STAG1: variants seen among roughly 807,000 people sequenced by gnomAD.
The protein encoded by STAG1 is STAG1 cohesin complex component, also known as cohesin subunit SA-1.
Under a neutral mutation model 170.9 loss-of-function variants are expected in STAG1, and 26 were observed. The ratio of observed to expected loss-of-function variants is 0.15; its 90% CI spans 0.11 to 0.21. STAG1 has a LOEUF of 0.21. STAG1 is among the 10% of genes least tolerant of loss of function. The pLI is 1.00. For synonymous variants in STAG1, 514 were observed against 497.7 expected, an observed-to-expected ratio of 1.03 and a Z score of -0.44; for missense variants, 964 against 1,509.5, an observed-to-expected ratio of 0.64 and a Z score of 5.99.
intron 3 of STAG1, among the ~76,000 whole-genome samples, chr3:136,611,658 CTTTTTTT>C (rs760493827): frequency 0.026 from 1,876 of 72,544 alleles, 21 homozygotes; most frequent in Non-Finnish European, 0.04. Flanking sequence ...CCACACCCAG[CTTTTTTT>C]TTTTTTTTTT....
chr3:136,434,983 A>G (rs956728242), intron 15 of STAG1, among the ~76,000 whole-genome samples: 1 of 152,146 alleles, frequency 6.6e-6, no homozygotes, highest in South Asian at 2.1e-4. Flanking sequence ...TTTAAATGTC[A>G]TTTTTAAACA....
intron 21 of STAG1, among the ~76,000 whole-genome samples, chr3:136,411,890 A>G (rs2087634001): frequency 6.6e-6 from 1 of 151,622 alleles, no homozygotes; most frequent in African/African-American, 2.4e-5. Context: ...GGTTGCAGTG[A>G]GCCAAGATCA....
intron 6 of STAG1, among the ~76,000 whole-genome samples, chr3:136,541,730 G>A (rs1935916115): frequency 6.6e-6 from 1 of 152,154 alleles, no homozygotes; most frequent in South Asian, 2.1e-4. Flanking sequence ...GGTATAATAT[G>A]TGGTCCTGCT....
chr3:136,661,754 A>G (rs1213983128), intron 1 of STAG1, among the ~76,000 whole-genome samples: 1 of 152,222 alleles, frequency 6.6e-6, no homozygotes, highest in Non-Finnish European at 1.5e-5. Context: ...CAAGCACAAT[A>G]TTAATACTAC....
chr3:136,338,421 A>AG lies in STAG1; in HGVS notation c.3701dup (p.Glu1235Ter). ...AGTCAAAGAAGTCTGGCCTTAGCTC[A>AG]GCTCTCTCTCGCCGATTTCTTGATG... On this transcript the variant is annotated frameshift_variant, in exon 33 of 34. Coordinates refer to ENST00000383202, the MANE Select transcript of STAG1 (RefSeq NM_005862.3). LOFTEE classifies it high-confidence loss of function. The AG allele has an allele frequency of 6.2e-7, 1 of 1,613,764 alleles. No homozygotes were observed. The highest frequency in any genetic ancestry group is 8.5e-7 in the Non-Finnish European group (1 of 1,179,706).
At chr3:136,408,736 G>C (rs1263313334) in intron 21 of STAG1, among the ~76,000 whole-genome samples, 8 of 152,160 alleles carry the variant, frequency 5.3e-5, no homozygotes, top group African/African-American at 1.9e-4. Flanking sequence ...CAGCAAGTAG[G>C]ATGTACAGTG....
chr3:136,502,329 G>A (rs1053905801), intron 8 of STAG1, among the ~76,000 whole-genome samples: 32 of 151,946 alleles, frequency 2.1e-4, no homozygotes, highest in South Asian at 6.2e-4. Context: ...GCTGGCTCAC[G>A]GTTCTGACTT....
chr3:136,536,722 A>C (rs1489460091), intron 6 of STAG1, among the ~76,000 whole-genome samples: 5 of 151,512 alleles, frequency 3.3e-5, no homozygotes, highest in Non-Finnish European at 7.4e-5. Context: ...AAAAAAAAAA[A>C]AAAACTACGG....
chr3:136,473,657 A>G lies in STAG1; in HGVS notation c.1027-20T>C, dbSNP rs1411078665. ...CCCTTGCTTCAGAAATACAAATAAA[A>G]GCACAACAGAAGGAGTCAATTCCAT... On this transcript the variant is annotated intron_variant, in intron 10 of 33. Coordinates refer to ENST00000383202, the MANE Select transcript of STAG1 (RefSeq NM_005862.3). 2 of 1,581,274 alleles carry G rather than the reference A, an allele frequency of 1.3e-6. No homozygotes were observed. The highest frequency in any genetic ancestry group is 1.7e-6 in the Non-Finnish European group (2 of 1,153,010).
At chr3:136,729,982 A>G (rs1404065125) in intron 1 of STAG1, among the ~76,000 whole-genome samples, 3 of 139,264 alleles carry the variant, frequency 2.2e-5, no homozygotes, top group Non-Finnish European at 4.5e-5. Flanking sequence ...TCCGCCTCCC[A>G]GGTTCAAGCA....
chr3:136,477,572 T>C (rs932867823), intron 9 of STAG1, among the ~76,000 whole-genome samples, 160 bp from the exon 10 acceptor site: 3 of 152,050 alleles, frequency 2.0e-5, no homozygotes, highest in African/African-American at 7.2e-5. Context: ...ATGTTTTCTA[T>C]AAAATAAACA....
At chr3:136,635,033 C>T (rs1940498284) in intron 1 of STAG1, among the ~76,000 whole-genome samples, 2 of 152,104 alleles carry the variant, frequency 1.3e-5, no homozygotes, top group South Asian at 4.2e-4. Flanking sequence ...GACCAGATGG[C>T]CTTACTGCTT....
intron 9 of STAG1, among the ~76,000 whole-genome samples, chr3:136,497,124 G>C (rs2107855824): frequency 6.6e-6 from 1 of 151,950 alleles, no homozygotes; most frequent in South Asian, 2.1e-4. Flanking sequence ...TTCCTGCAAA[G>C]AAAATTCTAG....
intron 6 of STAG1, among the ~76,000 whole-genome samples, chr3:136,535,287 TTAGA>T (rs1935562837): frequency 6.6e-6 from 1 of 152,158 alleles, no homozygotes; most frequent in African/African-American, 2.4e-5. Flanking sequence ...AAACTTACAG[TTAGA>T]TAGAAGAAAT....
intron 7 of STAG1, among the ~76,000 whole-genome samples, chr3:136,507,437 C>T (rs1223607741): frequency 6.6e-6 from 1 of 152,102 alleles, no homozygotes; most frequent in Non-Finnish European, 1.5e-5. Context: ...AATCACAGCT[C>T]CCTGCAGCCT....
chr3:136,504,156 C>T (rs13072698), intron 7 of STAG1, among the ~76,000 whole-genome samples: 9,058 of 152,208 alleles, frequency 0.06, 375 homozygotes, highest in Middle Eastern at 0.12. Flanking sequence ...GAAACTCTAT[C>T]TACATTTTGA....
chr3:136,571,994 C>T (rs951877946), intron 4 of STAG1, among the ~76,000 whole-genome samples: 1 of 151,662 alleles, frequency 6.6e-6, no homozygotes, highest in African/African-American at 2.4e-5. Flanking sequence ...ACCAGCCTGG[C>T]CAACATGGTA....
In STAG1 at chr3:136,751,427, A is replaced by G. The variant is rs548156349; in HGVS notation, c.-84+768T>C. 3.3e-5 allele frequency among the ~76,000 whole-genome samples: 5 copies of G among 150,484 alleles called. No individual in the cohort carries two copies. In the East Asian group the frequency reaches 9.8e-4, roughly 30 times the overall value. Reference sequence around the variant, plus strand: ...CACTCTAGTTTCCCACCCCGCCCCCACCTCGAGAAAGGAGGGAAAACAACT... The same window carrying G: ...CACTCTAGTTTCCCACCCCGCCCCCGCCTCGAGAAAGGAGGGAAAACAACT... On this transcript the variant is annotated intron_variant, in intron 1 of 33. Coordinates refer to ENST00000383202, the MANE Select transcript of STAG1 (RefSeq NM_005862.3).
intron 7 of STAG1, among the ~76,000 whole-genome samples, chr3:136,510,528 G>A (rs1275496699): frequency 6.6e-6 from 1 of 151,580 alleles, no homozygotes; most frequent in Non-Finnish European, 1.5e-5. Flanking sequence ...TGCCCTCTTC[G>A]GCCTCTAAAA....
Sources: allele counts gnomAD v4.1 joint callset (sites outside exome capture counted in the v4.1 genomes callset), GRCh38; gene constraint gnomAD v4.1.1; transcripts MANE v1.5; gene names NCBI Gene and HGNC (gene_info 2026-07-23, HGNC 2026-07-21).